PCSK5: variants seen among roughly 807,000 people sequenced by gnomAD.
The protein encoded by PCSK5 is prohormone convertase 5.
Under a neutral mutation model 233.2 loss-of-function variants are expected in PCSK5, and 129 were observed. The ratio of observed to expected loss-of-function variants is 0.55; its 90% confidence interval spans 0.48 to 0.64. PCSK5 has a LOEUF of 0.64. Among genes scored for constraint, PCSK5 ranks in the 30% least tolerant of loss-of-function variants. PCSK5 has a pLI of 0.00. For missense variants in PCSK5, 2,076 were observed against 2,430.1 expected (o/e 0.85, Z 3.06); for synonymous variants, 825 against 879.2 (o/e 0.94, Z 1.09).
At chr9:76,331,221 G>A (rs1289746271) in intron 33 of PCSK5, among the ~76,000 whole-genome samples, 1 of 152,136 alleles carries the variant, frequency 6.6e-6, no homozygotes, top group Non-Finnish European at 1.5e-5. Context: ...CCCCCCTGAA[G>A]ATGACACATC....
chr9:76,313,530 T>G (rs1173108410), intron 30 of PCSK5, among the ~76,000 whole-genome samples: 1 of 152,118 alleles, frequency 6.6e-6, no homozygotes, highest in African/African-American at 2.4e-5. Context: ...TGGGATTATA[T>G]AAAATGTGGT....
At chr9:76,277,042 A>T (rs768962387) in intron 24 of PCSK5, among the ~76,000 whole-genome samples, 8 of 152,142 alleles carry the variant, frequency 5.3e-5, no homozygotes, top group Non-Finnish European at 8.8e-5. Context: ...AACCTGGCCA[A>T]CATGGTGAAA....
chr9:75,997,428 A>G (rs1036012789), intron 3 of PCSK5, among the ~76,000 whole-genome samples: 28 of 152,210 alleles, frequency 1.8e-4, no homozygotes, highest in East Asian at 3.9e-4. Context: ...TAGAATGCAC[A>G]TGCACATCAA....
chr9:76,000,279 C>G (rs1046840712), intron 3 of PCSK5, among the ~76,000 whole-genome samples: 3 of 152,082 alleles, frequency 2.0e-5, no homozygotes, highest in Non-Finnish European at 4.4e-5. Context: ...CTGATATTAT[C>G]AATAAATTGG....
intron 5 of PCSK5, among the ~76,000 whole-genome samples, chr9:76,056,849 A>G (rs1204293774): frequency 6.6e-6 from 1 of 152,172 alleles, no homozygotes; most frequent in East Asian, 1.9e-4. Flanking sequence ...TTTAGATGAC[A>G]TCCTATTTCT....
At chr9:76,282,149 G>A (rs147401661) in intron 24 of PCSK5, among the ~76,000 whole-genome samples, 279 of 10,212 alleles carry the variant, frequency 0.027, 10 homozygotes, top group Non-Finnish European at 0.091. Flanking sequence ...TTTTTTTTTC[G>A]CTCTGTTGCC....
intron 26 of PCSK5, 69 bp downstream of exon 26, chr9:76,295,480 G>T: frequency 1.4e-6 from 2 of 1,413,976 alleles, no homozygotes; most frequent in East Asian, 4.6e-5. Flanking sequence ...CGGGGCCACA[G>T]GAGCGCACAT....
intron 2 of PCSK5, among the ~76,000 whole-genome samples, chr9:75,943,513 G>A (rs1204908894): frequency 6.6e-6 from 1 of 152,054 alleles, no homozygotes; most frequent in African/African-American, 2.4e-5. Flanking sequence ...ACCATTGAAA[G>A]GACGTTATTT....
At chr9:76,159,284 G>C (rs115403844) in intron 12 of PCSK5, 113 bp downstream of exon 12, 2 of 866,340 alleles carry the variant, frequency 2.3e-6, no homozygotes, top group African/African-American at 1.7e-5. Context: ...AGCAGAGGGG[G>C]TGCTTAGATG....
At position 76,189,732 on chromosome 9, in the gene PCSK5, C is replaced by T. The variant is rs772557782; in HGVS notation, c.2612C>T (p.Ala871Val). The T allele has an allele frequency of 1.3e-6, 2 of 1,589,430 alleles. No homozygotes were observed. The highest frequency in any genetic ancestry group is 1.7e-6 in the Non-Finnish European group (2 of 1,157,902). Residue 871 changes from alanine (A) to valine (V), a missense_variant, in exon 20 of 38, where the codon GCC becomes GTC. Physicochemically the swap from Ala to Val is moderately conservative, Grantham distance 64 (BLOSUM62 0). Around this residue, in one of 6 missense-constraint regions of PCSK5, gnomAD observed 1,510 missense variants for 1,538.1 expected, o/e 0.98. Transcript: ENST00000674117. ...LLDLGMCQMG[A>V]ICKDGEYVDE... ...GACTTAGGAATGTGTCAAATGGGAG[C>T]CATTTGCAAGGATGGTGAGTACAAC...
intron 12 of PCSK5, 53 bp from the exon 13 acceptor site, chr9:76,169,651 G>GAC: frequency 6.4e-7 from 1 of 1,564,324 alleles, no homozygotes; most frequent in South Asian, 1.1e-5. Flanking sequence ...GTATTAACTA[G>GAC]ACCCTCATTG....
At chr9:76,210,482 A>G (rs1387800544) in intron 20 of PCSK5, among the ~76,000 whole-genome samples, 1 of 152,222 alleles carries the variant, frequency 6.6e-6, no homozygotes, top group Non-Finnish European at 1.5e-5. Context: ...TTGTTTCTGC[A>G]TATGGATGTG....
chr9:75,931,003 G>A (rs76807146), intron 1 of PCSK5, among the ~76,000 whole-genome samples: 8,438 of 152,138 alleles, frequency 0.055, 461 homozygotes, highest in African/African-American at 0.14. Context: ...TGCATTCCCC[G>A]CTTGTTTTCA....
chr9:76,315,743 C>T (rs1443746503), intron 30 of PCSK5, among the ~76,000 whole-genome samples: 1 of 147,076 alleles, frequency 6.8e-6, no homozygotes, highest in Non-Finnish European at 1.5e-5. Flanking sequence ...AGCGATTCTT[C>T]TGCCTCAGCC....
chr9:76,077,003 A>G (rs766699482), intron 7 of PCSK5, among the ~76,000 whole-genome samples: 3 of 152,206 alleles, frequency 2.0e-5, no homozygotes, highest in Non-Finnish European at 4.4e-5. Flanking sequence ...TTTAATCTTC[A>G]TGATGATCTC....
intron 1 of PCSK5, among the ~76,000 whole-genome samples, chr9:75,897,024 AC>A (rs1825836558): frequency 6.6e-6 from 1 of 152,150 alleles, no homozygotes; most frequent in Admixed American, 6.5e-5. Flanking sequence ...CAGGGTCTTT[AC>A]TTTTATCAAC....
At chr9:76,084,492 A>T (rs926853084) in intron 7 of PCSK5, among the ~76,000 whole-genome samples, 3 of 152,226 alleles carry the variant, frequency 2.0e-5, no homozygotes, top group African/African-American at 7.2e-5. Flanking sequence ...CTACTCCTAG[A>T]TTAATCAGTT....
intron 3 of PCSK5, among the ~76,000 whole-genome samples, chr9:75,998,914 T>TA (rs1201838422): frequency 1.3e-5 from 2 of 152,210 alleles, no homozygotes; most frequent in African/African-American, 2.4e-5. Context: ...TACTATCACA[T>TA]AAAAAATTAA....
intron 2 of PCSK5, among the ~76,000 whole-genome samples, chr9:75,985,734 A>G (rs952082696): frequency 3.9e-5 from 6 of 152,198 alleles, no homozygotes; most frequent in African/African-American, 1.2e-4. Flanking sequence ...CGTGACCTGC[A>G]AAGCCTAAAA....
Sources: gnomAD v4.1 joint callset for allele counts (sites outside exome capture counted in the v4.1 genomes callset) on GRCh38, gnomAD v4.1.1 for gene constraint, gnomAD v4.1.1 regional missense constraint, MANE v1.5 for transcripts, NCBI Gene and HGNC (gene_info 2026-07-23, HGNC 2026-07-21) for gene names.